Variants in SOX6 observed in about 807,000 individuals in gnomAD.
The protein encoded by SOX6 is SRY-box transcription factor 6, also known as transcription factor SOX-6.
A neutral mutation model predicts 97.8 loss-of-function variants in SOX6; 11 were observed. That is an observed-to-expected ratio of 0.11 (90% CI 0.07 to 0.19). The LOEUF (loss-of-function observed/expected upper bound fraction) is 0.19. Among genes scored for constraint, SOX6 ranks in the 10% least tolerant of loss-of-function variants. The pLI is 1.00. For missense variants in SOX6, 810 were observed against 1,039.5 expected, an observed-to-expected ratio of 0.78 and a Z score of 3.04; for synonymous variants, 360 against 371.4, an observed-to-expected ratio of 0.97 and a Z score of 0.35.
intron 4 of SOX6, among the ~76,000 whole-genome samples, chr11:16,217,448 T>C (rs1852406510): frequency 6.6e-6 from 1 of 152,118 alleles, no homozygotes; most frequent in African/African-American, 2.4e-5. Context: ...ATTTATAATA[T>C]GGTCAGAGGT....
At chr11:16,480,859 A>T (rs1018400400), upstream of SOX6, among the ~76,000 whole-genome samples, 77 of 152,296 alleles carry the variant, frequency 5.1e-4, no homozygotes, top group African/African-American at 1.8e-3. Flanking sequence ...CAAGAATTAA[A>T]TAACTTTTTA....
intron 9 of SOX6, among the ~76,000 whole-genome samples, chr11:16,076,324 T>C (rs80266773): frequency 0.039 from 5,752 of 148,144 alleles, 350 homozygotes; most frequent in African/African-American, 0.14. Context: ...AGACAACCTA[T>C]AGAATGGGGG....
At chr11:16,397,893 T>C (rs1476782138) in intron 1 of SOX6, among the ~76,000 whole-genome samples, 2 of 151,606 alleles carry the variant, frequency 1.3e-5, no homozygotes, top group East Asian at 1.9e-4. Flanking sequence ...TGCTTTCTTA[T>C]ATGCAGATAA....
Position 15,971,370 on chromosome 11 carries a change from A to T in SOX6, c.*1439T>A, listed in dbSNP as rs1275841791. On this transcript the variant is annotated 3_prime_UTR_variant, in exon 16 of 16. Transcript: ENST00000683767. ...CAGTGTAAAGGTGCCAGCCCATGACAGCTTCACTGAGATTCCTGCATGGCC... is the reference window on the plus strand; with the variant it reads ...CAGTGTAAAGGTGCCAGCCCATGACTGCTTCACTGAGATTCCTGCATGGCC... 3 of 152,662 alleles carry T rather than the reference A, an allele frequency of 2.0e-5. No individual in the cohort carries two copies. Among genetic ancestry groups the T allele is most frequent in the Non-Finnish European group, 4.4e-5 (3 of 68,056 alleles). The allele number at this position is 152,662 out of a possible 1,614,324, so 9.5% of individuals were successfully genotyped here.
chr11:16,650,762 A>G (rs939740230), intron 3 of SOX6, among the ~76,000 whole-genome samples: 6 of 151,908 alleles, frequency 3.9e-5, no homozygotes, highest in Non-Finnish European at 5.9e-5. Context: ...AAGAAAAGAA[A>G]TAACCAAGAT....
At chr11:16,362,838 G>T (rs1429761504) in intron 1 of SOX6, among the ~76,000 whole-genome samples, 3 of 152,142 alleles carry the variant, frequency 2.0e-5, no homozygotes, top group African/African-American at 4.8e-5. Flanking sequence ...ACATTCATGT[G>T]CAAGGAATGA....
intron 4 of SOX6, among the ~76,000 whole-genome samples, chr11:16,523,072 C>T (rs1284091387): frequency 1.3e-5 from 2 of 152,134 alleles, no homozygotes; most frequent in Non-Finnish European, 2.9e-5. Context: ...GACAGATCAA[C>T]AACACAAAAA....
At chr11:16,444,744 CTA>C in intron 1 of SOX6, among the ~76,000 whole-genome samples, 1 of 151,538 alleles carries the variant, frequency 6.6e-6, no homozygotes, top group East Asian at 1.9e-4. Flanking sequence ...TTTGATGAGA[CTA>C]TTTAATAAGA....
At chr11:16,719,434 T>C (rs1390810545) in intron 2 of SOX6, among the ~76,000 whole-genome samples, 1 of 152,228 alleles carries the variant, frequency 6.6e-6, no homozygotes, top group Non-Finnish European at 1.5e-5. Flanking sequence ...TCCCTACACA[T>C]TCAGCACTCC....
intron 13 of SOX6, among the ~76,000 whole-genome samples, chr11:16,000,629 A>G (rs969454849): frequency 6.6e-6 from 1 of 152,218 alleles, no homozygotes; most frequent in African/African-American, 2.4e-5. Context: ...TAGCCCTACT[A>G]AAAACAAATC....
chr11:16,052,609 A>C (rs1489792180), intron 10 of SOX6, among the ~76,000 whole-genome samples: 1 of 152,122 alleles, frequency 6.6e-6, no homozygotes, highest in Non-Finnish European at 1.5e-5. Flanking sequence ...CTCATTATTC[A>C]TATATTTTGC....
chr11:16,132,694 CTTT>C (rs111965760), intron 6 of SOX6, among the ~76,000 whole-genome samples: 7 of 137,202 alleles, frequency 5.1e-5, no homozygotes, highest in Non-Finnish European at 9.6e-5. Flanking sequence ...ATCGGGTTAC[CTTT>C]TTTTTTTTTT....
intron 3 of SOX6, chr11:16,314,703 G>A (rs1308017143): frequency 6.6e-6 from 1 of 152,088 alleles, no homozygotes; most frequent in Non-Finnish European, 1.5e-5. Flanking sequence ...AATTATGGAT[G>A]CAAGTAACAA....
At chr11:16,003,516 T>C (rs773997624) in intron 13 of SOX6, among the ~76,000 whole-genome samples, 2 of 152,110 alleles carry the variant, frequency 1.3e-5, no homozygotes, top group African/African-American at 2.4e-5. Context: ...TTCTAGACTA[T>C]GTACCCCAAA....
At chr11:16,694,071 A>C (rs1590054837) in intron 3 of SOX6, among the ~76,000 whole-genome samples, 1 of 152,176 alleles carries the variant, frequency 6.6e-6, no homozygotes, top group African/African-American at 2.4e-5. Context: ...TTTGACTTCT[A>C]CCTAACACAG....
intron 9 of SOX6, among the ~76,000 whole-genome samples, chr11:16,084,174 A>G (rs1848530369): frequency 6.6e-6 from 1 of 152,076 alleles, no homozygotes. Context: ...CCTATACACA[A>G]TCACCTTGGG....
chr11:16,008,946 T>G (rs1169444016), intron 13 of SOX6, among the ~76,000 whole-genome samples: 1 of 152,056 alleles, frequency 6.6e-6, no homozygotes, highest in East Asian at 1.9e-4. Context: ...CTACCCATCC[T>G]GGCCTCAGTC....
Position 16,573,759 on chromosome 11 carries a change from G to T in SOX6, n.609+38322C>A, listed in dbSNP as rs369152004. ...TTGTGTAACACTATGAGGGCACAAAGATATTACTACTTAATTAATATTTGA... is the reference window on the plus strand; with the variant it reads ...TTGTGTAACACTATGAGGGCACAAATATATTACTACTTAATTAATATTTGA... On this transcript the variant is annotated intron_variant and non_coding_transcript_variant, in intron 4 of 5. Transcript: ENST00000524520. 2.6e-5 allele frequency among the ~76,000 whole-genome samples: 4 copies of T among 152,268 alleles called. No individual in the cohort carries two copies. The East Asian group carries it at 5.8e-4, about 22-fold the overall frequency.
intron 6 of SOX6, 80 bp downstream of exon 6, chr11:16,183,806 C>T: frequency 7.9e-7 from 1 of 1,268,704 alleles, no homozygotes; most frequent in South Asian, 1.2e-5. Flanking sequence ...GACAGGGGTA[C>T]ATCTGCAGAG....
Sources: gnomAD v4.1 joint callset for allele counts (sites outside exome capture counted in the v4.1 genomes callset) on GRCh38, gnomAD v4.1.1 for gene constraint, MANE v1.5 for transcripts, NCBI Gene and HGNC (gene_info 2026-07-23, HGNC 2026-07-21) for gene names.